The following ABCG1 variants were observed in gnomAD, a reference collection of about 807,000 sequenced individuals.
ABCG1 encodes the protein ATP-binding cassette sub-family G member 1.
Under a neutral mutation model 69.2 loss-of-function variants are expected in ABCG1, and 29 were observed. The observed-to-expected ratio is 0.42, with a 90% confidence interval of 0.31 to 0.57. The LOEUF is 0.57. ABCG1 is among the 20% of genes least tolerant of loss of function. ABCG1 has a pLI of 0.15. For missense variants in ABCG1, 718 were observed against 898.1 expected (o/e 0.80, Z 2.56); for synonymous variants, 370 against 374.8 (o/e 0.99, Z 0.15).
At chr21:42,212,774 A>G (rs879368076), upstream of ABCG1, among the ~76,000 whole-genome samples, 6 of 151,190 alleles carry the variant, frequency 4.0e-5, no homozygotes, top group East Asian at 1.2e-3. Context: ...GCTCACTGCA[A>G]GCTCCGCTTC....
chr21:42,252,807 T>A (rs1199172464), intron 2 of ABCG1, among the ~76,000 whole-genome samples: 3 of 152,068 alleles, frequency 2.0e-5, no homozygotes, highest in Non-Finnish European at 4.4e-5. Flanking sequence ...CCCACTTGGA[T>A]TTTAACCCCC....
At chr21:42,222,540 T>C (rs1030015444) in intron 1 of ABCG1, among the ~76,000 whole-genome samples, 11 of 152,194 alleles carry the variant, frequency 7.2e-5, no homozygotes, top group Non-Finnish European at 1.6e-4. Flanking sequence ...CAGAGGCTTG[T>C]GGTCTCAGAC....
chr21:42,280,176 C>T (rs551404794), intron 5 of ABCG1, among the ~76,000 whole-genome samples: 6 of 152,344 alleles, frequency 3.9e-5, no homozygotes, highest in Admixed American at 2.0e-4. Context: ...GCCTCGCCAT[C>T]GGGCCCACCA....
At chr21:42,201,701 A>G (rs758313359) in exon 2 of ABCG1, 1 of 1,613,934 alleles carries the variant, frequency 6.2e-7, no homozygotes, top group Non-Finnish European at 8.5e-7. Context: ...GGGTGGACAA[A>G]ACAGAGAAAG....
intron 1 of ABCG1, among the ~76,000 whole-genome samples, chr21:42,221,861 C>T (rs2067733011): frequency 6.6e-6 from 1 of 152,132 alleles, no homozygotes; most frequent in South Asian, 2.1e-4. Flanking sequence ...TGCGGCTCAC[C>T]ACGGCCTGTG....
rs949130668 is a variant in ABCG1 at position 42,288,429 on chromosome 21, C to T, written c.1224+117C>T. On this transcript the variant is annotated intron_variant, in intron 10 of 14. Transcript: ENST00000398449. This position sits in a 1 kb window ranked among gnomAD's most constrained non-coding sequence, Gnocchi z 4.8. ...ATTGCTATAAAGAAATTCATGAGGC[C>T]AGGCATGGTGACTCATGTCTGTAAC... is the stretch of plus-strand genomic sequence containing the variant. 5 of 772,958 alleles carry T rather than the reference C, an allele frequency of 6.5e-6. No homozygotes were observed. In the Admixed American group the frequency reaches 9.5e-5, roughly 15 times the overall value. 47.9% of individuals were successfully genotyped at this position (772,958 alleles called of 1,614,324 possible).
chr21:42,245,305 C>G (rs1435370395), intron 2 of ABCG1, among the ~76,000 whole-genome samples: 1 of 152,188 alleles, frequency 6.6e-6, no homozygotes, highest in Non-Finnish European at 1.5e-5. Flanking sequence ...GTCTAACTTA[C>G]AAGGAACCTG....
At chr21:42,252,018 T>C (rs1476170037) in intron 2 of ABCG1, among the ~76,000 whole-genome samples, 1 of 152,210 alleles carries the variant, frequency 6.6e-6, no homozygotes, top group Non-Finnish European at 1.5e-5. Flanking sequence ...GACCATGCCA[T>C]TGGGTTGCTG....
intron 13 of ABCG1, among the ~76,000 whole-genome samples, chr21:42,293,072 C>CAGT (rs2069108052): frequency 1.4e-5 from 1 of 72,698 alleles, no homozygotes; most frequent in Non-Finnish European, 2.6e-5. Flanking sequence ...CCACACTACA[C>CAGT]ACACACCACA....
At chr21:42,269,600 G>A (rs191396724) in intron 2 of ABCG1, among the ~76,000 whole-genome samples, 6 of 152,274 alleles carry the variant, frequency 3.9e-5, no homozygotes, top group East Asian at 1.9e-4. Flanking sequence ...GGCGACAACC[G>A]CCCTGTCTGT....
rs141002546 is a variant in ABCG1 at position 42,203,517 on chromosome 21, A to G, written c.48+1794A>G. Among the ~76,000 whole-genome samples, 1,222 of 152,306 alleles carry G rather than the reference A, an allele frequency of 8.0e-3. 23 individuals are homozygous for G. Among genetic ancestry groups the G allele is most frequent in the African/African-American group, 0.028 (1,158 of 41,554 alleles). Reference sequence around the variant, plus strand: ...GTGGATACCCAAATGTGTCAGCAGCACTTGCTGGAAAAGCCATCCTTCCTC... The same window carrying G: ...GTGGATACCCAAATGTGTCAGCAGCGCTTGCTGGAAAAGCCATCCTTCCTC... On this transcript the variant is annotated intron_variant, in intron 2 of 15. Transcript: ENST00000398457.
intron 2 of ABCG1, among the ~76,000 whole-genome samples, chr21:42,240,537 G>A (rs928374210): frequency 1.3e-5 from 2 of 152,188 alleles, no homozygotes; most frequent in African/African-American, 2.4e-5. Flanking sequence ...TGCAACCTCC[G>A]CCTCACAGAT....
At chr21:42,278,214 G>A (rs1008298246) in intron 5 of ABCG1, among the ~76,000 whole-genome samples, 7 of 152,184 alleles carry the variant, frequency 4.6e-5, no homozygotes, top group African/African-American at 1.4e-4. Flanking sequence ...ACCCAGCCTT[G>A]TGAGTTTATT....
intron 2 of ABCG1, among the ~76,000 whole-genome samples, chr21:42,231,331 G>A (rs1324059137): frequency 1.3e-5 from 2 of 152,200 alleles, no homozygotes; most frequent in South Asian, 2.1e-4. Context: ...CAGTCAGGCC[G>A]TGGCCTCCAC....
rs2067685223 is a variant in ABCG1, at chr21:42,219,442, G to A, written c.42+138G>A. 7.9e-7 allele frequency: 1 copy of A among 1,269,370 alleles called. No homozygotes were observed. The highest frequency in any genetic ancestry group is 1.6e-5 in the African/African-American group (1 of 64,036). The allele number at this position is 1,269,370 out of a possible 1,614,324, so 78.6% of individuals were successfully genotyped here. Reference sequence around the variant, plus strand: ...GGGCGCTGACCCAGGGCACCCTAGAGTGGCGCCCGGCTCCGATCGCTGCCC... The same window carrying A: ...GGGCGCTGACCCAGGGCACCCTAGAATGGCGCCCGGCTCCGATCGCTGCCC... On this transcript the variant is annotated intron_variant, in intron 1 of 14. Transcript: ENST00000398449. The surrounding 1 kb of genome is among the most constrained non-coding windows in gnomAD (Gnocchi z 5.3).
intron 2 of ABCG1, among the ~76,000 whole-genome samples, chr21:42,241,147 G>A (rs895416265): frequency 1.3e-5 from 2 of 152,256 alleles, no homozygotes; most frequent in African/African-American, 4.8e-5. Context: ...CACTGGCCAC[G>A]TTCAGACGTG....
upstream of ABCG1, chr21:42,216,163 T>A (rs968396684): frequency 2.2e-6 from 1 of 451,814 alleles, no homozygotes; most frequent in South Asian, 1.6e-5. Context: ...GCCATGATCA[T>A]GAGGCTTCCC....
rs575565318 is a variant in ABCG1 at position 42,274,563 on chromosome 21, C to T, written c.537+1128C>T. Among the ~76,000 whole-genome samples the T allele has an allele frequency of 4.0e-5, 6 of 151,866 alleles. No individual in the cohort carries two copies. The South Asian group carries it at 1.3e-3, about 32-fold the overall frequency. On this transcript the variant is annotated intron_variant, in intron 4 of 14. Transcript: ENST00000398449. Reference sequence around the variant, plus strand: ...GATCTCAGCTCACTGCAACCTCCGCCTCCCAGGTTCAAGCGATTCTTCTGC... The same window carrying T: ...GATCTCAGCTCACTGCAACCTCCGCTTCCCAGGTTCAAGCGATTCTTCTGC...
chr21:42,294,465 T>G, intron 13 of ABCG1, 77 bp from the exon 14 acceptor site: 1 of 1,160,126 alleles, frequency 8.6e-7, no homozygotes, highest in Non-Finnish European at 1.3e-6. Flanking sequence ...CGGGGGAAGC[T>G]GGCGTGGGCG....
Sources: gnomAD v4.1 joint callset for allele counts (sites outside exome capture counted in the v4.1 genomes callset) on GRCh38, gnomAD v4.1.1 for gene constraint, Gnocchi (gnomAD v3.1) non-coding constraint, MANE v1.5 for transcripts, NCBI Gene and HGNC (gene_info 2026-07-23, HGNC 2026-07-21) for gene names.